The following THOC2 variants were observed in gnomAD, a reference collection of about 807,000 sequenced individuals.
THOC2 encodes the protein THO complex subunit 2, also known as THO complex 2.
In THOC2, 10 loss-of-function variants were observed where a neutral mutation model predicts 128.4. The ratio of observed to expected loss-of-function variants is 0.08; its 90% confidence interval spans 0.05 to 0.13. The LOEUF is 0.13. THOC2 is among the 10% of genes least tolerant of loss of function. The pLI is 1.00. For synonymous variants in THOC2, 393 were observed against 396.9 expected (o/e 0.99, Z 0.12); for missense variants, 535 against 1,155.7 (o/e 0.46, Z 7.79).
Position 123,677,871 on chromosome X carries a change from CAAAAAAA to C in THOC2, c.769-6117_769-6111del, listed in dbSNP as rs1179685021. On this transcript the variant is annotated intron_variant, in intron 8 of 38. Coordinates refer to ENST00000245838, the MANE Select transcript of THOC2 (RefSeq NM_001081550.2). ...GGGCAAGGAGAACAAAACTCCGTCG[CAAAAAAA>C]AAAAAAAAAAAGATTTTTTAAGCTT... is the stretch of plus-strand genomic sequence containing the variant. Among the ~76,000 whole-genome samples, 48 of 29,415 alleles carry C rather than the reference CAAAAAAA, an allele frequency of 1.6e-3. 1 individual carries two copies. Among genetic ancestry groups the C allele is most frequent in the Admixed American group, 0.015 (37 of 2,415 alleles). The allele number at this position is 29,415 out of a possible 115,157, so 25.5% of individuals were successfully genotyped here.
At chrX:123,619,774 T>A in intron 32 of THOC2, 1 of 149,071 alleles carries the variant, frequency 6.7e-6, no homozygotes, top group Non-Finnish European at 1.3e-5. Flanking sequence ...CCACAAAAAA[T>A]TTAAAATACT....
chrX:123,670,618 AAAC>A (rs1055094260), intron 9 of THOC2, among the ~76,000 whole-genome samples: 8 of 112,184 alleles, frequency 7.1e-5, no homozygotes, highest in African/African-American at 9.7e-5. Context: ...CTCTGTCTCA[AAAC>A]AACAACAACA....
chrX:123,631,606 G>A, intron 22 of THOC2, 82 bp downstream of exon 22: 1 of 1,041,239 alleles, frequency 9.6e-7, no homozygotes, highest in African/African-American at 1.9e-5. Flanking sequence ...CCCAAAATCT[G>A]TAGTGATATG....
At chrX:123,616,932 G>A (rs1373733600) in intron 33 of THOC2, among the ~76,000 whole-genome samples, 2 of 110,311 alleles carry the variant, frequency 1.8e-5, no homozygotes, top group Admixed American at 9.6e-5. Context: ...CACAGAAAAC[G>A]CATAACTAAA....
At chrX:123,715,679 G>A (rs926811484) in intron 1 of THOC2, among the ~76,000 whole-genome samples, 1 of 107,367 alleles carries the variant, frequency 9.3e-6, no homozygotes, top group Non-Finnish European at 1.9e-5. Flanking sequence ...CAGCTACTTG[G>A]GGGGCTGAGG....
intron 17 of THOC2, among the ~76,000 whole-genome samples, chrX:123,638,573 CGCT>C (rs775259292): frequency 2.5e-4 from 28 of 110,681 alleles, no homozygotes; most frequent in African/African-American, 9.2e-4. Flanking sequence ...GCAAGAGACT[CGCT>C]TGAACCCAGG....
At chrX:123,631,665 G>A in intron 22 of THOC2, 23 bp downstream of exon 22, 1 of 1,199,529 alleles carries the variant, frequency 8.3e-7, no homozygotes, top group Non-Finnish European at 1.1e-6. Context: ...TTCTTGAGCG[G>A]CAGCAAAGAC....
chrX:123,700,847 T>C (rs1198823951), intron 4 of THOC2, among the ~76,000 whole-genome samples: 1 of 111,616 alleles, frequency 9.0e-6, no homozygotes, highest in Admixed American at 9.5e-5. Context: ...GAAGGTACTC[T>C]AAAAGCAGAA....
At chrX:123,604,878 T>C (rs921282431) in intron 38 of THOC2, among the ~76,000 whole-genome samples, 10 of 112,205 alleles carry the variant, frequency 8.9e-5, no homozygotes, top group Non-Finnish European at 9.4e-5. Context: ...TGTCTGAAAC[T>C]GTCAGGATTT....
chrX:123,630,270 T>A (rs1184870608), intron 22 of THOC2, among the ~76,000 whole-genome samples: 2 of 111,688 alleles, frequency 1.8e-5, no homozygotes, highest in Non-Finnish European at 3.8e-5. Context: ...AGAACTGATA[T>A]CCACAATTAT....
chrX:123,657,139 C>T (rs780185462), intron 12 of THOC2, among the ~76,000 whole-genome samples: 1 of 111,669 alleles, frequency 9.0e-6, no homozygotes, highest in East Asian at 2.8e-4. Context: ...TGGGAGATAA[C>T]GCGGCTGAGG....
At chrX:123,619,556 C>A in intron 32 of THOC2, 120 bp from the exon 33 acceptor site, 1 of 742,937 alleles carries the variant, frequency 1.3e-6, no homozygotes, top group Non-Finnish European at 2.0e-6. Context: ...GGATAAATTT[C>A]ATGATGTCAT....
At chrX:123,643,562 G>C (rs2048011138) in intron 15 of THOC2, among the ~76,000 whole-genome samples, 1 of 110,578 alleles carries the variant, frequency 9.0e-6, no homozygotes, top group African/African-American at 3.3e-5. Context: ...ACTGTACCTG[G>C]AGAACTCTTA....
At chrX:123,671,614 C>A (rs1206982468) in intron 9 of THOC2, 55 bp downstream of exon 9, 1 of 806,287 alleles carries the variant, frequency 1.2e-6, no homozygotes, top group African/African-American at 2.1e-5. Flanking sequence ...ACCTACTCCT[C>A]TTCCCTACCC....
chrX:123,715,618 C>CA (rs1315127677), intron 1 of THOC2, among the ~76,000 whole-genome samples: 16 of 106,131 alleles, frequency 1.5e-4, no homozygotes, highest in South Asian at 1.3e-3. Flanking sequence ...CCTCTCTCTA[C>CA]AAAAAAAATA....
intron 8 of THOC2, among the ~76,000 whole-genome samples, chrX:123,683,598 G>C (rs1225147669): frequency 9.3e-6 from 1 of 106,958 alleles, no homozygotes; most frequent in African/African-American, 3.5e-5. Flanking sequence ...ACAATGACAA[G>C]ACTTTTTTTT....
intron 1 of THOC2, among the ~76,000 whole-genome samples, chrX:123,729,804 A>G (rs1293192644): frequency 8.9e-6 from 1 of 112,126 alleles, no homozygotes; most frequent in African/African-American, 3.2e-5. Flanking sequence ...AGACAAAGGA[A>G]AAAGGTTTTT....
chrX:123,725,616 C>CAAAAAA (rs56708326), intron 1 of THOC2, among the ~76,000 whole-genome samples: 1 of 32,752 alleles, frequency 3.1e-5, no homozygotes, highest in Non-Finnish European at 5.3e-5. Flanking sequence ...GACCCTATCT[C>CAAAAAA]AAAAAAAAAA....
chrX:123,671,654 G>A lies in THOC2; in HGVS notation c.861+15C>T. The stretch of plus-strand genomic sequence containing the variant: ...GACAGACAATCAAGTATTCTTAGCA[G>A]CCCACTTGACTTACATGTACATAAA... On this transcript the variant is annotated intron_variant, in intron 9 of 38. Transcript: ENST00000245838. 2 of 1,044,006 alleles carry A rather than the reference G, an allele frequency of 1.9e-6. No homozygotes were observed. The highest frequency in any genetic ancestry group is 2.6e-6 in the Non-Finnish European group (2 of 762,790). 86.0% of individuals were successfully genotyped at this position (1,044,006 alleles called of 1,213,427 possible). A position where few individuals can be genotyped will look rare whatever the true frequency, so the allele number is the denominator to read the frequency against.
Sources: gnomAD v4.1 joint callset for allele counts (sites outside exome capture counted in the v4.1 genomes callset) on GRCh38, gnomAD v4.1.1 for gene constraint, MANE v1.5 for transcripts, NCBI Gene and HGNC (gene_info 2026-07-23, HGNC 2026-07-21) for gene names.